The following KDM2A variants were observed in gnomAD, a reference collection of about 807,000 sequenced individuals.
The protein encoded by KDM2A is lysine-specific demethylase 2A.
Under a neutral mutation model 137.3 loss-of-function variants are expected in KDM2A, and 3 were observed. The ratio of observed to expected loss-of-function variants is 0.02; its 90% CI spans 0.01 to 0.06. The LOEUF (loss-of-function observed/expected upper bound fraction) is 0.06, where lower values mean the gene tolerates loss of function less well. KDM2A is among the 10% of genes least tolerant of loss of function. KDM2A has a pLI of 1.00. For missense variants in KDM2A, 738 were observed against 1,510.6 expected (o/e 0.49, Z 8.48); for synonymous variants, 512 against 541.5 (o/e 0.95, Z 0.76).
intron 5 of KDM2A, among the ~76,000 whole-genome samples, chr11:67,193,866 A>G (rs1479630326): frequency 3.9e-5 from 6 of 152,164 alleles, no homozygotes; most frequent in Middle Eastern, 3.4e-3. Context: ...ATCTCAATAC[A>G]TACATACATA....
At chr11:67,224,461 C>CTTTTTTTTTTTTTTTTT (rs35180780) in intron 10 of KDM2A, among the ~76,000 whole-genome samples, 1 of 95,164 alleles carries the variant, frequency 1.1e-5, no homozygotes. Context: ...TAACCCCTTT[C>CTTTTTTTTTTTTTTTTT]TTTTTTTTTT....
chr11:67,241,925 T>C (rs1859055198), intron 12 of KDM2A, among the ~76,000 whole-genome samples: 1 of 151,818 alleles, frequency 6.6e-6, no homozygotes, highest in Non-Finnish European at 1.5e-5. Context: ...AAAAATTAGC[T>C]GGGTATGGTG....
chr11:67,224,488 CAG>C (rs1357641590), intron 10 of KDM2A, among the ~76,000 whole-genome samples: 5 of 86,114 alleles, frequency 5.8e-5, no homozygotes, highest in Non-Finnish European at 7.8e-5. Flanking sequence ...TTTTTTGAGA[CAG>C]AGTCTCGCTC....
chr11:67,224,305 TCTAAAAGAAAG>T (rs1372085991), intron 10 of KDM2A, among the ~76,000 whole-genome samples: 1 of 152,104 alleles, frequency 6.6e-6, no homozygotes, highest in Non-Finnish European at 1.5e-5. Flanking sequence ...ATATGGCCTC[TCTAAAAGAAAG>T]CTGTATGGCC....
chr11:67,231,517 A>G (rs747311675), intron 11 of KDM2A, 49 bp from the exon 12 acceptor site: 2 of 1,485,514 alleles, frequency 1.3e-6, no homozygotes, highest in African/African-American at 2.8e-5. Context: ...CTTGCTGATC[A>G]CATGGCAGAG....
chr11:67,129,216 C>A (rs557952670), intron 2 of KDM2A, among the ~76,000 whole-genome samples: 5 of 152,204 alleles, frequency 3.3e-5, no homozygotes, highest in Non-Finnish European at 7.3e-5. Context: ...ATGTGTAGCA[C>A]ACATGTCAGA....
intron 13 of KDM2A, among the ~76,000 whole-genome samples, chr11:67,244,116 C>G (rs1160425570): frequency 6.6e-6 from 1 of 152,162 alleles, no homozygotes; most frequent in Admixed American, 6.5e-5. Context: ...CTCCTCGTCC[C>G]TAGTGGGAGG....
At chr11:67,130,776 G>C (rs568822639) in intron 2 of KDM2A, among the ~76,000 whole-genome samples, 6 of 152,150 alleles carry the variant, frequency 3.9e-5, no homozygotes, top group African/African-American at 1.2e-4. Context: ...TTATATGCCA[G>C]ATAGTAGGCT....
intron 5 of KDM2A, among the ~76,000 whole-genome samples, chr11:67,192,854 A>T (rs1220363556): frequency 6.6e-6 from 1 of 152,188 alleles, no homozygotes; most frequent in African/African-American, 2.4e-5. Context: ...CAAAGAGTAT[A>T]CATTTTCACC....
chr11:67,180,264 C>CCATA (rs1365251559), intron 3 of KDM2A, 47 bp downstream of exon 3: 1 of 1,586,948 alleles, frequency 6.3e-7, no homozygotes, highest in African/African-American at 1.4e-5. Flanking sequence ...ATGTGGGAAG[C>CCATA]CATAGACTCT....
At chr11:67,202,106 TGTG>T (rs746726546) in intron 5 of KDM2A, among the ~76,000 whole-genome samples, 7 of 152,166 alleles carry the variant, frequency 4.6e-5, no homozygotes, top group African/African-American at 9.6e-5. Flanking sequence ...TAACTGCAAA[TGTG>T]GTGAAAATAG....
rs540476171 is a variant in KDM2A, at chr11:67,254,532, A to C, written c.3307+114A>C. 121 of 863,080 alleles carry C rather than the reference A, an allele frequency of 1.4e-4. 3 individuals carry two copies. The South Asian group carries it at 1.7e-3, about 12-fold the overall frequency. 53.5% of individuals were successfully genotyped at this position (863,080 alleles called of 1,614,324 possible). A position where few individuals can be genotyped will look rare whatever the true frequency, so the allele number is the denominator to read the frequency against. On this transcript the variant is annotated intron_variant, in intron 20 of 20. Transcript: ENST00000529006. The surrounding 1 kb of genome is among the most constrained non-coding windows in gnomAD (Gnocchi z 4.7). ...TCTGTTGATTGACCCACATCAGCTC[A>C]TTTCTTCACATCTGGACAAGGACAT...
At chr11:67,179,364 C>T (rs890241779) in intron 2 of KDM2A, among the ~76,000 whole-genome samples, 3 of 152,316 alleles carry the variant, frequency 2.0e-5, no homozygotes, top group Middle Eastern at 6.8e-3. Flanking sequence ...ACCTCCACCT[C>T]CCAGGTTCAA....
chr11:67,192,051 A>G (rs1481585347), intron 5 of KDM2A, among the ~76,000 whole-genome samples: 2 of 152,182 alleles, frequency 1.3e-5, no homozygotes, highest in Non-Finnish European at 2.9e-5. Flanking sequence ...ATGAACACCC[A>G]TCTATAAACC....
chr11:67,149,495 C>T (rs1856334440), intron 2 of KDM2A, among the ~76,000 whole-genome samples: 1 of 151,988 alleles, frequency 6.6e-6, no homozygotes, highest in Non-Finnish European at 1.5e-5. Context: ...TAACATATAT[C>T]TGTATTATTG....
chr11:67,154,251 G>A (rs1378762048), intron 2 of KDM2A, among the ~76,000 whole-genome samples: 1 of 152,140 alleles, frequency 6.6e-6, no homozygotes, highest in Non-Finnish European at 1.5e-5. Flanking sequence ...AATAAGAATG[G>A]TTTTTACGTC....
At position 67,225,007 on chromosome 11, in the gene KDM2A, T is replaced by G. The variant is rs146934712; in HGVS notation, c.958-3030T>G. On this transcript the variant is annotated intron_variant, in intron 10 of 20. Transcript: ENST00000529006. ...CAGGTATGCACCACCACGCTAATTT[T>G]TGTATTTCTAGTAGAGACGGGGTTT... Among the ~76,000 whole-genome samples, 1,425 of 151,710 alleles carry G rather than the reference T, an allele frequency of 9.4e-3. 15 individuals carry two copies. The highest frequency in any genetic ancestry group is 0.017 in the Non-Finnish European group (1,178 of 67,896).
chr11:67,191,075 G>T (rs1487142726), intron 5 of KDM2A, among the ~76,000 whole-genome samples: 1 of 151,950 alleles, frequency 6.6e-6, no homozygotes, highest in Non-Finnish European at 1.5e-5. Context: ...GATGAGTCTC[G>T]TTGCTGTCGC....
chr11:67,245,001 AAGC>A lies in KDM2A; in HGVS notation c.1564-184_1564-182del, dbSNP rs1481003276. ...ACTCTGTCTCAAAAAAAAAAAAAAA[AAGC>A]AGCCATTGATAATACATACACAAGA... On this transcript the variant is annotated intron_variant, in intron 13 of 20. Coordinates refer to ENST00000529006, the MANE Select transcript of KDM2A (RefSeq NM_012308.3). The surrounding 1 kb of genome is among the most constrained non-coding windows in gnomAD (Gnocchi z 4.1). 8 of 598,648 alleles carry A rather than the reference AAGC, an allele frequency of 1.3e-5. No individual in the cohort carries two copies. Among genetic ancestry groups the A allele is most frequent in the African/African-American group, 3.7e-5 (2 of 53,822 alleles). 37.1% of individuals were successfully genotyped at this position (598,648 alleles called of 1,614,324 possible).
Sources: gnomAD v4.1 joint callset for allele counts (sites outside exome capture counted in the v4.1 genomes callset) on GRCh38, gnomAD v4.1.1 for gene constraint, Gnocchi (gnomAD v3.1) non-coding constraint, MANE v1.5 for transcripts, NCBI Gene and HGNC (gene_info 2026-07-23, HGNC 2026-07-21) for gene names.